Variants in MCFD2 observed in about 807,000 individuals in gnomAD.
MCFD2 encodes multiple coagulation factor deficiency protein 2.
In MCFD2, 11 loss-of-function variants were observed where a neutral mutation model predicts 12.8. The ratio of observed to expected loss-of-function variants is 0.86; its 90% CI spans 0.54 to 1.42. MCFD2 has a LOEUF of 1.42. MCFD2 is among the 40% of genes most tolerant of loss of function. MCFD2 has a pLI of 0.00. For missense variants in MCFD2, 191 were observed against 178.6 expected (o/e 1.07, Z -0.40); for synonymous variants, 70 against 68.1 (o/e 1.03, Z -0.14).
chr2:46,917,704 T>G (rs1471857873), upstream of MCFD2, among the ~76,000 whole-genome samples: 1 of 152,206 alleles, frequency 6.6e-6, no homozygotes, highest in Non-Finnish European at 1.5e-5. Context: ...CTTGCTGTAT[T>G]TTCTCCCCCA....
intron 1 of MCFD2, among the ~76,000 whole-genome samples, chr2:46,934,787 C>CTTTTTTTTTTTTTTTTTTTTT (rs1161003607): frequency 1.5e-5 from 1 of 66,888 alleles, no homozygotes; most frequent in Non-Finnish European, 2.7e-5. Context: ...GACTACTGCT[C>CTTTTTTTTTTTTTTTTTTTTT]TTTTTTTTTT....
At chr2:46,921,791 G>A (rs1224116295) in intron 1 of MCFD2, among the ~76,000 whole-genome samples, 1 of 152,128 alleles carries the variant, frequency 6.6e-6, no homozygotes, top group African/African-American at 2.4e-5. Flanking sequence ...CATAAGGAGT[G>A]TGCAACCTAG....
upstream of MCFD2, among the ~76,000 whole-genome samples, chr2:46,916,910 G>A (rs1378235242): frequency 1.1e-4 from 16 of 152,166 alleles, no homozygotes; most frequent in Non-Finnish European, 1.0e-4. Flanking sequence ...TGGGATTACA[G>A]GCGTGAGCCA....
intron 1 of MCFD2, among the ~76,000 whole-genome samples, chr2:46,936,846 A>C (rs1670004329): frequency 6.6e-6 from 1 of 151,342 alleles, no homozygotes; most frequent in Non-Finnish European, 1.5e-5. Context: ...ATACAAAAGA[A>C]ACAGGATTCC....
rs191255002 is a variant in MCFD2 at position 46,905,109 on chromosome 2, G to A, written c.*354C>T. On this transcript the variant is annotated 3_prime_UTR_variant, in exon 4 of 4. Transcript: ENST00000319466. ...ATGTAAGAAGTGCCTTTCACCTCCC[G>A]CCATGATTCTGAGGCCTCCCCAGCC... is the stretch of plus-strand genomic sequence containing the variant. 2.0e-3 allele frequency: 667 copies of A among 331,288 alleles called. 2 individuals are homozygous for A. The highest frequency in any genetic ancestry group is 0.013 in the African/African-American group (589 of 46,378). The allele number at this position is 331,288 out of a possible 1,614,324, so 20.5% of individuals were successfully genotyped here. A position where few individuals can be genotyped will look rare whatever the true frequency, so the allele number is the denominator to read the frequency against.
intron 1 of MCFD2, among the ~76,000 whole-genome samples, chr2:46,930,789 C>T (rs932520038): frequency 6.6e-6 from 1 of 152,030 alleles, no homozygotes; most frequent in African/African-American, 2.4e-5. Flanking sequence ...CGTGAGCCAC[C>T]GCACCCAGCC....
At chr2:46,929,149 G>T (rs1306812172) in intron 1 of MCFD2, among the ~76,000 whole-genome samples, 1 of 152,004 alleles carries the variant, frequency 6.6e-6, no homozygotes, top group Non-Finnish European at 1.5e-5. Flanking sequence ...GGGCAATAGA[G>T]TGGGACTCTG....
upstream of MCFD2, among the ~76,000 whole-genome samples, chr2:46,920,032 T>C (rs1004361403): frequency 6.6e-6 from 1 of 152,212 alleles, no homozygotes; most frequent in Non-Finnish European, 1.5e-5. Context: ...TCAGATATAC[T>C]ATAAACTGGG....
At chr2:46,906,891 T>C (rs1333288398) in intron 3 of MCFD2, 1 of 152,324 alleles carries the variant, frequency 6.6e-6, no homozygotes, top group African/African-American at 2.4e-5. Flanking sequence ...CAGGCTGGAA[T>C]TCAGTGGCAA....
chr2:46,920,169 G>GTA (rs922900764), upstream of MCFD2, among the ~76,000 whole-genome samples: 2 of 152,022 alleles, frequency 1.3e-5, no homozygotes, highest in African/African-American at 4.8e-5. Flanking sequence ...TTGGGGGAAG[G>GTA]TATATATATT....
chr2:46,922,502 C>T (rs1200826124), intron 1 of MCFD2, among the ~76,000 whole-genome samples: 6 of 151,884 alleles, frequency 4.0e-5, no homozygotes, highest in African/African-American at 1.2e-4. Context: ...GACCTGAGTG[C>T]GGGCAGAGTG....
intron 1 of MCFD2, among the ~76,000 whole-genome samples, chr2:46,936,734 G>A (rs1030760150): frequency 2.6e-5 from 4 of 152,144 alleles, no homozygotes; most frequent in Non-Finnish European, 5.9e-5. Context: ...TAGCCACTAT[G>A]AGGAATTTCT....
intron 1 of MCFD2, among the ~76,000 whole-genome samples, chr2:46,926,665 A>G (rs964222404): frequency 1.3e-5 from 2 of 152,268 alleles, no homozygotes; most frequent in African/African-American, 2.4e-5. Context: ...TCAGAAGAAT[A>G]TAAAATTATC....
intron 1 of MCFD2, among the ~76,000 whole-genome samples, chr2:46,931,941 G>T (rs947871687): frequency 1.3e-5 from 2 of 152,148 alleles, no homozygotes; most frequent in Non-Finnish European, 2.9e-5. Flanking sequence ...GAAATGTGAG[G>T]ACGGTTTAAC....
chr2:46,931,519 G>A lies in MCFD2; in HGVS notation c.-8+10053C>T, dbSNP rs192938101. ...GAGTCTTTCTAAGAGGGAAACAGGA[G>A]GGTCAGAGTCAGAGTAGAGGTGCCC... On this transcript the variant is annotated intron_variant, in intron 1 of 2. Coordinates refer to the MCFD2 transcript ENST00000409147. 3.3e-4 allele frequency among the ~76,000 whole-genome samples: 49 copies of A among 150,488 alleles called. 1 individual carries two copies. In the East Asian group the frequency reaches 7.3e-3, roughly 23 times the overall value.
In MCFD2 at chr2:46,940,255, G is replaced by T. The variant is rs1670217604; in HGVS notation, c.-8+1317C>A. Among the ~76,000 whole-genome samples the T allele has an allele frequency of 2.0e-5, 3 of 152,196 alleles. No individual in the cohort carries two copies. The highest frequency in any genetic ancestry group is 2.0e-4 in the Admixed American group (3 of 15,288). ...GTGGAGCACCTTCTAACTCTTAGGA[G>T]TCTGCTCAAAAGTTTGCCCTGACCC... is the stretch of plus-strand genomic sequence containing the variant. On this transcript the variant is annotated intron_variant, in intron 1 of 2. Transcript: ENST00000409147. This position sits in a 1 kb window ranked among gnomAD's most constrained non-coding sequence, Gnocchi z 4.7.
chr2:46,907,681 G>T lies in MCFD2; in HGVS notation c.309+129C>A. Reference sequence around the variant, plus strand: ...CAAAGTGCTGGGATTACAGATGCGAGCCATCATGCCCAGTGGAGAAGCAGC... The same window carrying T: ...CAAAGTGCTGGGATTACAGATGCGATCCATCATGCCCAGTGGAGAAGCAGC... On this transcript the variant is annotated intron_variant, in intron 3 of 3. Transcript: ENST00000319466. The surrounding 1 kb of genome is among the most constrained non-coding windows in gnomAD (Gnocchi z 4.1). 1 of 1,017,344 alleles carries T rather than the reference G, an allele frequency of 9.8e-7. No homozygotes were observed. Among genetic ancestry groups the T allele is most frequent in the Non-Finnish European group, 1.5e-6 (1 of 660,150 alleles). The allele number at this position is 1,017,344 out of a possible 1,614,324, so 63.0% of individuals were successfully genotyped here.
intron 1 of MCFD2, among the ~76,000 whole-genome samples, chr2:46,935,205 G>A (rs1401839256): frequency 6.6e-6 from 1 of 152,086 alleles, no homozygotes; most frequent in African/African-American, 2.4e-5. Context: ...GAGCTGTGAA[G>A]GGGTCAGGCG....
intron 1 of MCFD2, among the ~76,000 whole-genome samples, chr2:46,931,692 T>TAATAAATAAATA (rs10524721): frequency 0.08 from 11,810 of 148,514 alleles, 596 homozygotes; most frequent in African/African-American, 0.11. Context: ...AAACAGACAA[T>TAATAAATAAATA]AATAAATAAA....
Sources: gnomAD v4.1 joint callset for allele counts (sites outside exome capture counted in the v4.1 genomes callset) on GRCh38, gnomAD v4.1.1 for gene constraint, Gnocchi (gnomAD v3.1) non-coding constraint, MANE v1.5 for transcripts, NCBI Gene and HGNC (gene_info 2026-07-23, HGNC 2026-07-21) for gene names.